The following ALG5 variants were observed in gnomAD, a reference collection of about 807,000 sequenced individuals.
ALG5 encodes dolichyl-phosphate beta-glucosyltransferase.
ALG5 carries 26 observed loss-of-function variants against 51.8 expected under a neutral mutation model. The observed-to-expected ratio is 0.50, with a 90% CI of 0.37 to 0.70. The LOEUF is 0.70. ALG5 is among the 30% of genes least tolerant of loss of function. The probability of loss-of-function intolerance (pLI) is 0.00; values close to 1 mark genes in which losing one functional copy is unlikely to be tolerated. For synonymous variants in ALG5, 141 were observed against 136.1 expected (o/e 1.04, Z -0.25); for missense variants, 311 against 399.3 (o/e 0.78, Z 1.88).
intron 7 of ALG5, among the ~76,000 whole-genome samples, chr13:36,966,773 T>C (rs927949141): frequency 5.3e-5 from 8 of 152,206 alleles, no homozygotes; most frequent in African/African-American, 1.9e-4. Flanking sequence ...TAAGAGTCTA[T>C]TAGAACATTT....
intron 8 of ALG5, among the ~76,000 whole-genome samples, chr13:36,957,461 C>T (rs565842258): frequency 6.6e-6 from 1 of 152,200 alleles, no homozygotes; most frequent in Admixed American, 6.5e-5. Context: ...AATGGCCCCG[C>T]TTTCAAGGCT....
intron 6 of ALG5, among the ~76,000 whole-genome samples, chr13:36,977,134 G>A (rs1353222624): frequency 6.6e-6 from 1 of 152,204 alleles, no homozygotes; most frequent in African/African-American, 2.4e-5. Context: ...TGATGTAAGA[G>A]CTGAATCCCT....
At chr13:36,996,594 T>C (rs17054796) in intron 1 of ALG5, among the ~76,000 whole-genome samples, 11,152 of 152,176 alleles carry the variant, frequency 0.073, 1,386 homozygotes, top group African/African-American at 0.25. Context: ...ATTACTGCAA[T>C]GGATCAAACC....
chr13:36,971,574 G>A (rs1196806531), intron 7 of ALG5, among the ~76,000 whole-genome samples: 1 of 147,802 alleles, frequency 6.8e-6, no homozygotes, highest in Non-Finnish European at 1.5e-5. Context: ...TTGAACCCAG[G>A]AAGTGGAGGT....
intron 5 of ALG5, among the ~76,000 whole-genome samples, chr13:36,988,141 G>A (rs2059010238): frequency 6.6e-6 from 1 of 152,074 alleles, no homozygotes; most frequent in Admixed American, 6.5e-5. Context: ...TGGGACATCT[G>A]TGCTGCTGCC....
chr13:36,993,549 C>T, intron 4 of ALG5, 55 bp downstream of exon 4: 6 of 1,485,224 alleles, frequency 4.0e-6, no homozygotes, highest in Non-Finnish European at 5.6e-6. Flanking sequence ...TTCACATGTG[C>T]AAAATTATTC....
chr13:36,974,716 C>A (rs1057511487), intron 6 of ALG5, among the ~76,000 whole-genome samples: 6 of 151,666 alleles, frequency 4.0e-5, no homozygotes, highest in East Asian at 3.9e-4. Context: ...TGTAAAGCCC[C>A]CCCACCACCA....
chr13:36,977,077 C>A (rs2058955420), intron 6 of ALG5, among the ~76,000 whole-genome samples: 1 of 152,164 alleles, frequency 6.6e-6, no homozygotes, highest in Non-Finnish European at 1.5e-5. Flanking sequence ...TTTATCTCAG[C>A]ATAAGTCCCC....
At position 36,989,592 on chromosome 13, in the gene ALG5, A is replaced by C; in HGVS notation, c.355-16T>G. ...TAAAAGCTACCTATGAAATTATATA[A>C]AAATCAGAATAAAATTAATTTGGAT... On this transcript the variant is annotated splice_polypyrimidine_tract_variant and intron_variant, in intron 4 of 9. Transcript: ENST00000239891. 1 of 1,563,720 alleles carries C rather than the reference A, an allele frequency of 6.4e-7. No individual in the cohort carries two copies. The highest frequency in any genetic ancestry group is 1.7e-4 in the Middle Eastern group (1 of 5,934).
chr13:36,997,891 A>G (rs1376893436), intron 1 of ALG5, among the ~76,000 whole-genome samples: 2 of 152,354 alleles, frequency 1.3e-5, no homozygotes, highest in East Asian at 3.9e-4. Flanking sequence ...TGGCATTTAA[A>G]AAACCTAAGT....
chr13:36,990,253 T>G, intron 4 of ALG5, among the ~76,000 whole-genome samples: 1 of 152,216 alleles, frequency 6.6e-6, no homozygotes, highest in East Asian at 1.9e-4. Context: ...CTGCATTTCA[T>G]CACCCATTTA....
intron 6 of ALG5, among the ~76,000 whole-genome samples, chr13:36,977,804 A>C (rs1038384249): frequency 6.8e-6 from 1 of 147,540 alleles, no homozygotes; most frequent in African/African-American, 2.5e-5. Flanking sequence ...AAAAAAAAAA[A>C]AAAAAAAAAA....
At chr13:36,990,088 C>T (rs1352617007) in intron 4 of ALG5, among the ~76,000 whole-genome samples, 1 of 152,212 alleles carries the variant, frequency 6.6e-6, no homozygotes, top group African/African-American at 2.4e-5. Context: ...TCTTCTAAAT[C>T]TTCAATCTCT....
At chr13:36,974,933 C>G (rs1325955565) in intron 6 of ALG5, among the ~76,000 whole-genome samples, 1 of 152,178 alleles carries the variant, frequency 6.6e-6, no homozygotes, top group Admixed American at 6.5e-5. Flanking sequence ...CCATACAGGG[C>G]CAGGCGCAGT....
rs185877409 is a variant in ALG5, at chr13:36,986,069, T to C, written c.448-329A>G. Among the ~76,000 whole-genome samples the C allele has an allele frequency of 4.3e-3, 659 of 152,314 alleles. 1 individual carries two copies. The highest frequency in any genetic ancestry group is 5.4e-3 in the Non-Finnish European group (368 of 68,018). On this transcript the variant is annotated intron_variant, in intron 5 of 9. Coordinates refer to ENST00000239891, the MANE Select transcript of ALG5 (RefSeq NM_013338.5). ...CGGACAGTACGTATCATACATATTATATGTTTATCGTGTCATGATGCTTAA... is the reference window on the plus strand; with the variant it reads ...CGGACAGTACGTATCATACATATTACATGTTTATCGTGTCATGATGCTTAA...
Position 36,949,788 on chromosome 13 carries a change from T to C in ALG5, c.*154A>G, listed in dbSNP as rs1056775165. Reference sequence around the variant, plus strand: ...AAAATCATTTATATCCAAAGAGATATATAATTTTTTACTTATGGAAAGTTA... The same window carrying C: ...AAAATCATTTATATCCAAAGAGATACATAATTTTTTACTTATGGAAAGTTA... On this transcript the variant is annotated 3_prime_UTR_variant, in exon 10 of 10. Transcript: ENST00000239891. The C allele has an allele frequency of 1.5e-5, 7 of 463,586 alleles. No individual in the cohort carries two copies. The East Asian group carries it at 1.6e-4, about 11-fold the overall frequency. The allele number at this position is 463,586 out of a possible 1,614,324, so 28.7% of individuals were successfully genotyped here.
chr13:36,995,647 A>G (rs1369284496), intron 1 of ALG5, 51 bp from the exon 2 acceptor site: 1 of 1,524,326 alleles, frequency 6.6e-7, no homozygotes, highest in East Asian at 2.3e-5. Flanking sequence ...TGTTTTGCTG[A>G]CTTTTCTGTA....
chr13:36,982,601 C>T (rs897700632), intron 6 of ALG5, among the ~76,000 whole-genome samples: 9 of 152,200 alleles, frequency 5.9e-5, no homozygotes, highest in African/African-American at 2.2e-4. Context: ...AGAAAAAGTT[C>T]TCTAACACCT....
At chr13:36,970,226 A>G (rs2058915752) in intron 7 of ALG5, among the ~76,000 whole-genome samples, 1 of 152,102 alleles carries the variant, frequency 6.6e-6, no homozygotes, top group African/African-American at 2.4e-5. Flanking sequence ...GCTATTCTCT[A>G]TGGTTAACAG....
Sources: gnomAD v4.1 joint callset for allele counts (sites outside exome capture counted in the v4.1 genomes callset) on GRCh38, gnomAD v4.1.1 for gene constraint, MANE v1.5 for transcripts, NCBI Gene and HGNC (gene_info 2026-07-23, HGNC 2026-07-21) for gene names.